CHD1: variants seen among roughly 807,000 people sequenced by gnomAD.
The protein encoded by CHD1 is chromodomain helicase DNA binding protein 1, also known as ATP-dependent chromatin remodeler CHD1.
Under a neutral mutation model 224.2 loss-of-function variants are expected in CHD1, and 36 were observed. That is an observed-to-expected ratio of 0.16 (90% CI 0.12 to 0.21). CHD1 has a LOEUF of 0.21. CHD1 is among the 10% of genes least tolerant of loss of function. The pLI, the probability that CHD1 is intolerant of heterozygous loss-of-function variation, is 1.00. For synonymous variants in CHD1, 668 were observed against 658.3 expected (o/e 1.01, Z -0.23); for missense variants, 1,378 against 1,994.8 (o/e 0.69, Z 5.89).
intron 8 of CHD1, 146 bp from the exon 9 acceptor site, chr5:98,898,910 G>C (rs1580462902): frequency 1.6e-6 from 1 of 611,010 alleles, no homozygotes; most frequent in African/African-American, 1.9e-5. Context: ...ACTCAAACAG[G>C]AATAAAGCAT....
chr5:98,927,095 G>A (rs376510786), intron 1 of CHD1, among the ~76,000 whole-genome samples: 1 of 152,124 alleles, frequency 6.6e-6, no homozygotes, highest in Non-Finnish European at 1.5e-5. Flanking sequence ...TTATTTAACA[G>A]GTAAACGGAT....
intron 9 of CHD1, 51 bp downstream of exon 9, chr5:98,898,613 G>T: frequency 7.6e-7 from 1 of 1,317,600 alleles, no homozygotes. Flanking sequence ...ACTTTTTTCA[G>T]ATTATTTCAA....
chr5:98,884,349 C>T (rs1410352463), intron 18 of CHD1, among the ~76,000 whole-genome samples: 19 of 152,132 alleles, frequency 1.2e-4, no homozygotes, highest in Non-Finnish European at 2.6e-4. Context: ...GCTGGGATTA[C>T]AAGCGTGAGC....
chr5:98,859,892 T>C, intron 33 of CHD1, 80 bp downstream of exon 33: 1 of 696,734 alleles, frequency 1.4e-6, no homozygotes, highest in Non-Finnish European at 2.4e-6. Context: ...CTGTATTTAT[T>C]AATCAAACTG....
chr5:98,894,198 CAG>C (rs1580450889), intron 13 of CHD1, among the ~76,000 whole-genome samples: 1 of 152,146 alleles, frequency 6.6e-6, no homozygotes, highest in Non-Finnish European at 1.5e-5. Flanking sequence ...TTAAATAAGA[CAG>C]TATCTATAAA....
At chr5:98,880,913 C>CA (rs1750127248) in intron 22 of CHD1, among the ~76,000 whole-genome samples, 163 bp downstream of exon 22, 1 of 152,210 alleles carries the variant, frequency 6.6e-6, no homozygotes, top group Admixed American at 6.5e-5. Flanking sequence ...TGGTCTCTTT[C>CA]AAATCAGTTT....
Position 98,885,611 on chromosome 5 carries a change from T to G in CHD1, c.2535A>C (p.Gln845His). The G allele has an allele frequency of 6.2e-7, 1 of 1,603,366 alleles. No homozygotes were observed. Among genetic ancestry groups the G allele is most frequent in the Non-Finnish European group, 8.5e-7 (1 of 1,172,818 alleles). The change falls in exon 18 of 36, where the codon CAA (glutamine) becomes CAC (histidine). Residue 845 changes from glutamine (Q) to histidine (H), a missense_variant. Coordinates refer to ENST00000614616, the MANE Select transcript of CHD1 (RefSeq NM_001270.4). ...DGSIKGELRK[Q>H]ALDHFNAEGS... ...CCTCAGCATTAAAATGATCTAGAGC[T>G]TGTTTCCTCAGTTCTCCTTTTATTG...
chr5:98,884,445 G>C (rs1296335901), intron 18 of CHD1, among the ~76,000 whole-genome samples: 3 of 152,212 alleles, frequency 2.0e-5, no homozygotes, highest in African/African-American at 7.2e-5. Flanking sequence ...ACTTGTAAGA[G>C]GGAACTAAGC....
intron 12 of CHD1, among the ~76,000 whole-genome samples, chr5:98,895,494 G>GT (rs1262876690): frequency 2.6e-5 from 4 of 152,172 alleles, no homozygotes; most frequent in Non-Finnish European, 4.4e-5. Context: ...GCTCACGCCT[G>GT]TAAATCCCAG....
intron 24 of CHD1, 89 bp downstream of exon 24, chr5:98,876,309 T>G: frequency 7.5e-7 from 1 of 1,339,460 alleles, no homozygotes; most frequent in Non-Finnish European, 1.0e-6. Flanking sequence ...TAAAACTTCA[T>G]CACAATTTTT....
rs1751473446 is a variant in CHD1 at position 98,898,275 on chromosome 5, G to A, written c.1346C>T (p.Thr449Ile). ...ACTCACTTTGCAATCTTTAAAAGGA[G>A]TGGTTTTTGATTGGTTCCTGCTAAA... ...EYFSRNQSKT[T>I]PFKDCKVLKQ... Residue 449 changes from threonine (T) to isoleucine (I), a missense_variant, in exon 10 of 36, where the codon ACT becomes ATT. Thr to Ile is a moderately conservative substitution (Grantham distance 89). Coordinates refer to ENST00000614616, the MANE Select transcript of CHD1 (RefSeq NM_001270.4). 1.3e-6 allele frequency: 2 copies of A among 1,530,626 alleles called. No homozygotes were observed. Among genetic ancestry groups the A allele is most frequent in the Admixed American group, 2.0e-5 (1 of 49,044 alleles). 94.8% of individuals were successfully genotyped at this position (1,530,626 alleles called of 1,614,324 possible).
Position 98,881,189 on chromosome 5 carries a change from A to G in CHD1, c.2965-18T>C, listed in dbSNP as rs754170887. The G allele has an allele frequency of 2.7e-5, 41 of 1,508,508 alleles. No individual in the cohort carries two copies. Among genetic ancestry groups the G allele is most frequent in the Non-Finnish European group, 2.5e-5 (28 of 1,101,162 alleles). 93.4% of individuals were successfully genotyped at this position (1,508,508 alleles called of 1,614,324 possible). Reference sequence around the variant, plus strand: ...TCCATTTCCTATAATTAAAAAGACAATATTTAAATATACTTGAATCCTTTC... The same window carrying G: ...TCCATTTCCTATAATTAAAAAGACAGTATTTAAATATACTTGAATCCTTTC... On this transcript the variant is annotated intron_variant, in intron 21 of 35. Coordinates refer to ENST00000614616, the MANE Select transcript of CHD1 (RefSeq NM_001270.4).
At chr5:98,875,167 T>C (rs1749658722) in intron 24 of CHD1, 54 bp from the exon 25 acceptor site, 8 of 968,374 alleles carry the variant, frequency 8.3e-6, no homozygotes, top group Non-Finnish European at 1.3e-5. Flanking sequence ...ACTAAAATTA[T>C]ACGTATTTCT....
chr5:98,912,531 T>C (rs910612187), intron 2 of CHD1, among the ~76,000 whole-genome samples: 1 of 151,806 alleles, frequency 6.6e-6, no homozygotes, highest in African/African-American at 2.4e-5. Context: ...ATTAGCCAGG[T>C]GTGGTGGCAC....
chr5:98,865,018 G>C (rs1748753578), intron 31 of CHD1, among the ~76,000 whole-genome samples: 2 of 152,048 alleles, frequency 1.3e-5, no homozygotes, highest in Admixed American at 1.3e-4. Context: ...GCCAGTAAAT[G>C]AACAAGAAAT....
intron 16 of CHD1, 54 bp from the exon 17 acceptor site, chr5:98,888,294 C>A: frequency 8.1e-7 from 1 of 1,230,462 alleles, no homozygotes; most frequent in Non-Finnish European, 1.1e-6. Context: ...GGTAAGTTGT[C>A]CACGTAACAC....
chr5:98,865,956 GA>G (rs1393497140), intron 31 of CHD1, among the ~76,000 whole-genome samples: 1 of 101,290 alleles, frequency 9.9e-6, no homozygotes, highest in Non-Finnish European at 2.0e-5. Flanking sequence ...AATGTGGGGG[GA>G]AAAAAAGGTG....
At chr5:98,902,609 A>C (rs1370766317) in intron 5 of CHD1, among the ~76,000 whole-genome samples, 1 of 152,106 alleles carries the variant, frequency 6.6e-6, no homozygotes. Flanking sequence ...CTATATTCCC[A>C]AGTTATTAAG....
intron 25 of CHD1, among the ~76,000 whole-genome samples, chr5:98,874,417 T>G (rs1413654451): frequency 6.6e-6 from 1 of 151,582 alleles, no homozygotes; most frequent in Non-Finnish European, 1.5e-5. Flanking sequence ...ATATCTCTAC[T>G]TAGGGAAAGC....
Sources: gnomAD v4.1 joint callset for allele counts (sites outside exome capture counted in the v4.1 genomes callset) on GRCh38, gnomAD v4.1.1 for gene constraint, MANE v1.5 for transcripts, NCBI Gene and HGNC (gene_info 2026-07-23, HGNC 2026-07-21) for gene names.